HIVEP3: variants seen among roughly 807,000 people sequenced by gnomAD.
HIVEP3 encodes the protein transcription factor HIVEP3.
HIVEP3 carries 49 observed loss-of-function variants against 152.8 expected under a neutral mutation model. The observed-to-expected ratio is 0.32, with a 90% CI of 0.26 to 0.41. The LOEUF is 0.41. Ranked by LOEUF, HIVEP3 falls within the 10% of genes least tolerant of loss-of-function variation. HIVEP3 has a pLI of 1.00. For missense variants in HIVEP3, 2,790 were observed against 3,103.3 expected, an observed-to-expected ratio of 0.90 and a Z score of 2.40; for synonymous variants, 1,269 against 1,289.0, an observed-to-expected ratio of 0.98 and a Z score of 0.33.
chr1:41,963,232 C>T (rs1277948626), intron 1 of HIVEP3, among the ~76,000 whole-genome samples: 1 of 152,016 alleles, frequency 6.6e-6, no homozygotes, highest in African/African-American at 2.4e-5. Context: ...AGGATGGTCT[C>T]GATCTCCTGA....
intron 7 of HIVEP3, among the ~76,000 whole-genome samples, chr1:41,516,752 C>A (rs1223703623): frequency 6.6e-6 from 1 of 152,232 alleles, no homozygotes; most frequent in African/African-American, 2.4e-5. Flanking sequence ...CCCGGGGACC[C>A]CACACCTGCT....
At chr1:41,641,182 G>C (rs1645366016) in intron 2 of HIVEP3, among the ~76,000 whole-genome samples, 1 of 152,264 alleles carries the variant, frequency 6.6e-6, no homozygotes, top group South Asian at 2.1e-4. Flanking sequence ...TCACAGCAAA[G>C]CAGGTGGAGG....
intron 5 of HIVEP3, among the ~76,000 whole-genome samples, chr1:41,550,606 G>T (rs1257459517): frequency 4.6e-5 from 7 of 152,110 alleles, no homozygotes; most frequent in Non-Finnish European, 1.0e-4. Flanking sequence ...TTGTAGGTTG[G>T]ATTCCTAGGT....
intron 1 of HIVEP3, among the ~76,000 whole-genome samples, chr1:41,891,938 C>T (rs777536856): frequency 1.3e-5 from 2 of 152,198 alleles, no homozygotes; most frequent in African/African-American, 4.8e-5. Flanking sequence ...AAAGGCACAT[C>T]GGTTCTGCCA....
chr1:41,621,770 A>G (rs970393343), intron 3 of HIVEP3, among the ~76,000 whole-genome samples: 2 of 152,138 alleles, frequency 1.3e-5, no homozygotes, highest in African/African-American at 2.4e-5. Context: ...CTCCTGCCTC[A>G]GCCTCCCAAG....
At chr1:41,819,074 A>G (rs1222873638) in intron 1 of HIVEP3, among the ~76,000 whole-genome samples, 1 of 152,224 alleles carries the variant, frequency 6.6e-6, no homozygotes, top group Non-Finnish European at 1.5e-5. Context: ...ATACTCACTA[A>G]TAAATTGTAG....
At position 41,584,511 on chromosome 1, in the gene HIVEP3, G is replaced by C. The variant is rs142189176; in HGVS notation, c.287C>G (p.Pro96Arg). 6.2e-7 allele frequency: 1 copy of C among 1,614,154 alleles called. No homozygotes were observed. Among genetic ancestry groups the C allele is most frequent in the Non-Finnish European group, 8.5e-7 (1 of 1,180,040 alleles). ...GAATGCTGGTGTCAGAGGGTGCTGC[G>C]GAAGCTGTGAGATGTGGACGGATGC... ...IEASVHISQL[P>R]QHPLTPAFMS... The change falls in exon 4 of 9, where the codon CCG (proline) becomes CGG (arginine). Residue 96 changes from proline to arginine, a missense_variant. Transcript: ENST00000372583. The surrounding 1 kb of genome is among the most constrained non-coding windows in gnomAD (Gnocchi z 5.2).
chr1:41,976,420 T>C (rs930441209), intron 1 of HIVEP3, among the ~76,000 whole-genome samples: 12 of 152,232 alleles, frequency 7.9e-5, no homozygotes, highest in African/African-American at 2.9e-4. Flanking sequence ...TGTTCTGGAC[T>C]GCTTCCCAAC....
At chr1:41,955,796 T>C (rs1461276801) in intron 1 of HIVEP3, among the ~76,000 whole-genome samples, 1 of 152,136 alleles carries the variant, frequency 6.6e-6, no homozygotes, top group South Asian at 2.1e-4. Context: ...ATAATTAAAA[T>C]TGTGAATGGA....
At chr1:41,615,535 A>G (rs1184677995) in intron 3 of HIVEP3, among the ~76,000 whole-genome samples, 1 of 152,246 alleles carries the variant, frequency 6.6e-6, no homozygotes, top group Non-Finnish European at 1.5e-5. Context: ...CAGTGACAGG[A>G]CAGGCACCAA....
At position 41,998,882 on chromosome 1, in the gene HIVEP3, TC is replaced by T. The variant is rs1557555826; in HGVS notation, n.119+36924del. ...TTTTTGCTGGTTTTTAATACTTTTC[TC>T]TCTCTCTTTTTTTTTTTTTTTTTTT... On this transcript the variant is annotated intron_variant and non_coding_transcript_variant, in intron 1 of 3. Transcript: ENST00000489103. 7.0e-3 allele frequency among the ~76,000 whole-genome samples: 523 copies of T among 74,708 alleles called. 12 individuals are homozygous for T. The highest frequency in any genetic ancestry group is 0.028 in the African/African-American group (491 of 17,372). The allele number at this position is 74,708 out of a possible 152,430, so 49.0% of individuals were successfully genotyped here. A position where few individuals can be genotyped will look rare whatever the true frequency, so the allele number is the denominator to read the frequency against.
At chr1:41,625,387 T>C (rs919970484) in intron 3 of HIVEP3, among the ~76,000 whole-genome samples, 8 of 152,098 alleles carry the variant, frequency 5.3e-5, no homozygotes, top group African/African-American at 1.7e-4. Flanking sequence ...AGATAATGCA[T>C]TTAAAAAACG....
intron 6 of HIVEP3, 27 bp downstream of exon 6, chr1:41,524,708 G>A: frequency 6.2e-7 from 1 of 1,607,612 alleles, no homozygotes; most frequent in Non-Finnish European, 8.5e-7. Flanking sequence ...GCGGGCAGGG[G>A]CAGTGCCCCA....
At chr1:41,565,902 C>T (rs888139858) in intron 5 of HIVEP3, among the ~76,000 whole-genome samples, 3 of 152,220 alleles carry the variant, frequency 2.0e-5, no homozygotes, top group Admixed American at 2.0e-4. Flanking sequence ...CCAGCATACT[C>T]AGACACTCAG....
chr1:41,727,333 G>A (rs542158085), intron 1 of HIVEP3, among the ~76,000 whole-genome samples: 2 of 152,188 alleles, frequency 1.3e-5, no homozygotes, highest in Non-Finnish European at 2.9e-5. Context: ...TCCCCACCAC[G>A]AGGGATGAAG....
intron 5 of HIVEP3, among the ~76,000 whole-genome samples, chr1:41,558,027 T>A (rs781482214): frequency 2.0e-5 from 3 of 152,182 alleles, no homozygotes; most frequent in African/African-American, 4.8e-5. Flanking sequence ...GGTGGAGGAA[T>A]GTGCCCAGCG....
chr1:42,005,543 G>T (rs1337112729), intron 1 of HIVEP3, among the ~76,000 whole-genome samples: 1 of 152,138 alleles, frequency 6.6e-6, no homozygotes, highest in Non-Finnish European at 1.5e-5. Context: ...CTCAAACGAT[G>T]GGGGGCTACC....
chr1:41,673,245 C>T (rs948439861), intron 2 of HIVEP3, among the ~76,000 whole-genome samples: 7 of 152,204 alleles, frequency 4.6e-5, no homozygotes, highest in South Asian at 2.1e-4. Flanking sequence ...GGGTCAGGAA[C>T]GACTGGGGTC....
intron 3 of HIVEP3, among the ~76,000 whole-genome samples, chr1:41,587,062 A>G (rs915877635): frequency 6.6e-6 from 1 of 152,064 alleles, no homozygotes; most frequent in Non-Finnish European, 1.5e-5. Flanking sequence ...GAGAAAAGGG[A>G]GATTTGGTCC....
Sources: gnomAD v4.1 joint callset for allele counts (sites outside exome capture counted in the v4.1 genomes callset) on GRCh38, gnomAD v4.1.1 for gene constraint, Gnocchi (gnomAD v3.1) non-coding constraint, MANE v1.5 for transcripts, NCBI Gene and HGNC (gene_info 2026-07-23, HGNC 2026-07-21) for gene names.